PPEF1: variants seen among roughly 807,000 people sequenced by gnomAD.
PPEF1 encodes serine/threonine-protein phosphatase with EF-hands 1.
In PPEF1, 12 loss-of-function variants were observed where a neutral mutation model predicts 53.3. The ratio of observed to expected loss-of-function variants is 0.23; its 90% CI spans 0.14 to 0.36. PPEF1 has a LOEUF of 0.36. Ranked by LOEUF, PPEF1 falls within the 10% of genes least tolerant of loss-of-function variation. The pLI is 1.00. For synonymous variants in PPEF1, 165 were observed against 176.7 expected (o/e 0.93, Z 0.52); for missense variants, 334 against 490.4 (o/e 0.68, Z 3.01).
At chrX:18,710,772 A>T (rs1408588923) in intron 1 of PPEF1, among the ~76,000 whole-genome samples, 1 of 111,417 alleles carries the variant, frequency 9.0e-6, no homozygotes, top group African/African-American at 3.3e-5. Context: ...CATTATGGAG[A>T]TTTCTCAAAG....
upstream of PPEF1, among the ~76,000 whole-genome samples, chrX:18,675,620 TGTAGACGGGGCCACCC>T (rs1928643733): frequency 8.9e-6 from 1 of 112,421 alleles, no homozygotes. Context: ...GACGAAGACG[TGTAGACGGGGCCACCC>T]GTCTATGGCT....
chrX:18,687,522 C>T (rs1755437099), intron 3 of PPEF1, among the ~76,000 whole-genome samples: 1 of 111,268 alleles, frequency 9.0e-6, no homozygotes, highest in Admixed American at 9.6e-5. Context: ...TCTATTATGT[C>T]CCTAGACACA....
intron 4 of PPEF1, among the ~76,000 whole-genome samples, chrX:18,694,516 T>G (rs1929605312): frequency 9.0e-6 from 1 of 111,556 alleles, no homozygotes; most frequent in Admixed American, 9.5e-5. Context: ...TTTGGGAGGC[T>G]GAGGCAGGCG....
chrX:18,696,319 A>AT (rs34503947), intron 4 of PPEF1, among the ~76,000 whole-genome samples: 34,582 of 95,613 alleles, frequency 0.36, 5,789 homozygotes, highest in Non-Finnish European at 0.48. Context: ...CACCCAGCTA[A>AT]TTTTTTTTTT....
chrX:18,689,370 T>C (rs1668558790), intron 3 of PPEF1, among the ~76,000 whole-genome samples: 1 of 106,696 alleles, frequency 9.4e-6, no homozygotes, highest in South Asian at 4.4e-4. Context: ...TAGTCCCAGC[T>C]ACTTGGGAGG....
rs2046601015 is a variant in PPEF1 at position 18,803,801 on chromosome X, C to T, written c.1066-91C>T. 3.4e-6 allele frequency: 3 copies of T among 881,600 alleles called. No individual in the cohort carries two copies. In the African/African-American group the frequency reaches 6.1e-5, roughly 18 times the overall value. The allele number at this position is 881,600 out of a possible 1,213,427, so 72.7% of individuals were successfully genotyped here. A position where few individuals can be genotyped will look rare whatever the true frequency, so the allele number is the denominator to read the frequency against. Reference sequence around the variant, plus strand: ...GAATGAGAAGTGGTCTTTGGGATACCTTGGGTTAATATTTCTGACAAATAA... The same window carrying T: ...GAATGAGAAGTGGTCTTTGGGATACTTTGGGTTAATATTTCTGACAAATAA... On this transcript the variant is annotated intron_variant, in intron 10 of 15. Coordinates refer to ENST00000470157, the MANE Select transcript of PPEF1 (RefSeq NM_001377996.1).
chrX:18,789,575 A>G (rs758844053), intron 10 of PPEF1, among the ~76,000 whole-genome samples: 5 of 112,243 alleles, frequency 4.5e-5, no homozygotes, highest in African/African-American at 1.6e-4. Flanking sequence ...TATTAGCATC[A>G]TTCCCCATTC....
intron 7 of PPEF1, among the ~76,000 whole-genome samples, chrX:18,780,590 C>A (rs1361053716): frequency 1.8e-5 from 2 of 111,565 alleles, no homozygotes; most frequent in Non-Finnish European, 1.9e-5. Context: ...TGGAGAGGGG[C>A]AAGAGTGAAT....
chrX:18,705,387 A>G (rs188724602), upstream of PPEF1, among the ~76,000 whole-genome samples: 54 of 111,744 alleles, frequency 4.8e-4, no homozygotes, highest in African/African-American at 1.7e-3. Context: ...GCCATGATGT[A>G]GATAAGGAAG....
At chrX:18,755,483 C>T (rs1413886517) in intron 4 of PPEF1, among the ~76,000 whole-genome samples, 1 of 112,196 alleles carries the variant, frequency 8.9e-6, no homozygotes, top group Non-Finnish European at 1.9e-5. Context: ...ACGATAATCA[C>T]TTGAACCCAG....
intron 3 of PPEF1, among the ~76,000 whole-genome samples, chrX:18,689,563 T>C (rs1326032559): frequency 9.2e-6 from 1 of 109,274 alleles, no homozygotes; most frequent in Non-Finnish European, 1.9e-5. Context: ...CCTCAAAGTA[T>C]GCTTCACTGT....
intron 13 of PPEF1, among the ~76,000 whole-genome samples, chrX:18,821,516 T>C (rs1019908720): frequency 9.0e-6 from 1 of 111,036 alleles, no homozygotes; most frequent in Non-Finnish European, 1.9e-5. Flanking sequence ...AAAGCAATTC[T>C]TCTGCTTCAG....
Position 18,747,156 on chromosome X carries a change from C to A in PPEF1, c.236-2636C>A, listed in dbSNP as rs781002856. The stretch of plus-strand genomic sequence containing the variant: ...GAGTGGGAACAATAAAGACAGAGTG[C>A]TGGGCTGGGAGAGGAAAGCATCGCC... On this transcript the variant is annotated intron_variant, in intron 3 of 15. Coordinates refer to ENST00000470157, the MANE Select transcript of PPEF1 (RefSeq NM_001377996.1). 2.7e-5 allele frequency among the ~76,000 whole-genome samples: 3 copies of A among 111,449 alleles called. No homozygotes were observed. In the South Asian group the frequency reaches 1.1e-3, roughly 42 times the overall value.
chrX:18,825,599 T>C, intron 14 of PPEF1, 152 bp from the exon 15 acceptor site: 1 of 360,778 alleles, frequency 2.8e-6, no homozygotes, highest in Non-Finnish European at 4.8e-6. Flanking sequence ...ATGAAGAGGG[T>C]GGGGCCTCCA....
chrX:18,682,900 A>G (rs1324067024), upstream of PPEF1, among the ~76,000 whole-genome samples: 1 of 111,613 alleles, frequency 9.0e-6, no homozygotes, highest in African/African-American at 3.3e-5. Flanking sequence ...CAATTTATAA[A>G]GGAAAGAGGT....
chrX:18,697,340 G>A (rs1267696790), intron 4 of PPEF1, among the ~76,000 whole-genome samples: 3 of 111,348 alleles, frequency 2.7e-5, no homozygotes, highest in African/African-American at 6.5e-5. Context: ...CTTAACATCC[G>A]GGCACCTTTA....
intron 4 of PPEF1, among the ~76,000 whole-genome samples, chrX:18,750,723 T>C (rs995033776): frequency 2.0e-4 from 22 of 112,116 alleles, no homozygotes; most frequent in Non-Finnish European, 4.1e-4. Flanking sequence ...GGTAACTCTA[T>C]ATTTAAATTT....
At chrX:18,764,842 ATTTC>A (rs1358829295) in intron 6 of PPEF1, among the ~76,000 whole-genome samples, 3 of 111,735 alleles carry the variant, frequency 2.7e-5, no homozygotes, top group Non-Finnish European at 5.6e-5. Flanking sequence ...AGAAAAGAAA[ATTTC>A]TTTATTTCGT....
intron 3 of PPEF1, among the ~76,000 whole-genome samples, chrX:18,738,446 A>G (rs987273236): frequency 8.9e-6 from 1 of 111,904 alleles, no homozygotes; most frequent in African/African-American, 3.2e-5. Context: ...AATGTTGAAT[A>G]TTGGCTCCCA....
Sources: allele counts gnomAD v4.1 joint callset (sites outside exome capture counted in the v4.1 genomes callset), GRCh38; gene constraint gnomAD v4.1.1; transcripts MANE v1.5; gene names NCBI Gene and HGNC (gene_info 2026-07-23, HGNC 2026-07-21).